ZNF547: variants seen among roughly 807,000 people sequenced by gnomAD.
ZNF547 encodes zinc finger protein 547.
A neutral mutation model predicts 7.7 loss-of-function variants in ZNF547; 4 were observed. That is an observed-to-expected ratio of 0.52 (90% CI 0.26 to 1.20). ZNF547 has a LOEUF of 1.20. ZNF547 is among the 50% of genes most tolerant of loss of function. The probability of loss-of-function intolerance (pLI) is 0.14; values close to 1 mark genes in which losing one functional copy is unlikely to be tolerated. For missense variants in ZNF547, 449 were observed against 485.8 expected, an observed-to-expected ratio of 0.92 and a Z score of 0.71; for synonymous variants, 166 against 166.2, an observed-to-expected ratio of 1.00 and a Z score of 0.01.
intron 1 of ZNF547, chr19:57,364,506 G>A (rs151050474): frequency 0.038 from 14,467 of 381,348 alleles, 403 homozygotes; most frequent in South Asian, 0.075. Context: ...ACTTTGGGAG[G>A]CCAAGGCGAG....
At chr19:57,375,071 C>T (rs111871875) in intron 3 of ZNF547, among the ~76,000 whole-genome samples, 3,428 of 152,280 alleles carry the variant, frequency 0.023, 53 homozygotes, top group Non-Finnish European at 0.037. Context: ...AATACCCTGG[C>T]TGGGCACAGT....
rs769369323 is a variant in ZNF547 at position 57,377,324 on chromosome 19, G to A, written c.348G>A (p.Thr116=). 1.5e-5 allele frequency: 24 copies of A among 1,614,082 alleles called. No individual in the cohort carries two copies. The Admixed American group carries it at 2.8e-4, about 19-fold the overall frequency. The change falls in exon 4 of 4, where the codon ACG becomes ACA. Residue 116 remains threonine, a synonymous_variant. Coordinates refer to ENST00000282282, the MANE Select transcript of ZNF547 (RefSeq NM_173631.4). ...DGTHPEQGLY[T]CPAHLHQHQK... ...CACACCCCGAGCAGGGACTGTACAC[G>A]TGTCCAGCACATCTTCACCAGCACC... is the stretch of plus-strand genomic sequence containing the variant.
chr19:57,368,489 G>C (rs952385769), intron 1 of ZNF547, 55 bp from the exon 2 acceptor site: 1 of 1,563,104 alleles, frequency 6.4e-7, no homozygotes, highest in Admixed American at 1.7e-5. Context: ...GTCCAACTCT[G>C]CCTGTAAGAT....
Position 57,377,125 on chromosome 19 carries a change from C to A in ZNF547, c.152-3C>A. 1 of 1,609,050 alleles carries A rather than the reference C, an allele frequency of 6.2e-7. No individual in the cohort carries two copies. Among genetic ancestry groups the A allele is most frequent in the Non-Finnish European group, 8.5e-7 (1 of 1,176,414 alleles). ...CACCTCACCAGCATTTTTATTCTTA[C>A]AGGTTGTTGCCATGGAGCTGAGGAT... On this transcript the variant is annotated splice_polypyrimidine_tract_variant and splice_region_variant and intron_variant, in intron 3 of 3. Transcript: ENST00000282282.
chr19:57,369,908 T>TTTTTTTTG (rs2088494262), intron 2 of ZNF547, among the ~76,000 whole-genome samples: 1 of 122,450 alleles, frequency 8.2e-6, no homozygotes, highest in Non-Finnish European at 1.7e-5. Flanking sequence ...TCTTTTTTTT[T>TTTTTTTTG]TTTTTTTTTT....
At chr19:57,373,316 T>TC (rs2088517663) in intron 3 of ZNF547, among the ~76,000 whole-genome samples, 1 of 152,090 alleles carries the variant, frequency 6.6e-6, no homozygotes, top group Non-Finnish European at 1.5e-5. Context: ...GGGAAACTGT[T>TC]CCCATGATTC....
chr19:57,376,694 G>T (rs559781182), intron 3 of ZNF547, among the ~76,000 whole-genome samples: 2 of 152,300 alleles, frequency 1.3e-5, no homozygotes, highest in South Asian at 2.1e-4. Context: ...AATCATGGAG[G>T]TTTGGGGAGT....
In ZNF547 at chr19:57,377,675, C is replaced by G; in HGVS notation, c.699C>G (p.Ile233Met). The part of the protein sequence containing the change: ...CKSHLVRHQT[I>M]HSGERPYECS... ...CTCACCTTGTTCGTCACCAGACAAT[C>G]CACTCTGGAGAAAGGCCTTATGAGT... Residue 233 changes from isoleucine to methionine, a missense_variant, in exon 4 of 4, where the codon ATC (isoleucine) becomes ATG (methionine). Coordinates refer to ENST00000282282, the MANE Select transcript of ZNF547 (RefSeq NM_173631.4). 1 of 1,610,862 alleles carries G rather than the reference C, an allele frequency of 6.2e-7. No individual in the cohort carries two copies. The highest frequency in any genetic ancestry group is 8.5e-7 in the Non-Finnish European group (1 of 1,178,270).
chr19:57,364,640 C>A, intron 1 of ZNF547: 1 of 608,052 alleles, frequency 1.6e-6, no homozygotes, highest in Non-Finnish European at 2.9e-6. Flanking sequence ...ATTCGGGAGG[C>A]TGAGGCAGGA....
intron 2 of ZNF547, chr19:57,371,186 AG>A (rs2088502211): frequency 6.6e-6 from 1 of 152,430 alleles, no homozygotes; most frequent in South Asian, 2.1e-4. Flanking sequence ...TCCTGACCTC[AG>A]GTGATCTGCC....
chr19:57,364,245 G>T (rs1413482161), intron 1 of ZNF547: 1 of 155,946 alleles, frequency 6.4e-6, no homozygotes, highest in Admixed American at 6.2e-5. Flanking sequence ...AGGGAGTGAA[G>T]GGTCATTTTT....
rs181391755 is a variant in ZNF547, at chr19:57,378,247, A to C, written c.*62A>C. ...AGTCACCAACATATTGTGGCTGGAC[A>C]GCAGGCAGTACACACTGGAGAAAGA... On this transcript the variant is annotated 3_prime_UTR_variant, in exon 4 of 4. Transcript: ENST00000282282. 8.4e-5 allele frequency: 123 copies of C among 1,457,746 alleles called. No individual in the cohort carries two copies. The East Asian group carries it at 2.7e-3, about 32-fold the overall frequency. 90.3% of individuals were successfully genotyped at this position (1,457,746 alleles called of 1,614,324 possible). A position where few individuals can be genotyped will look rare whatever the true frequency, so the allele number is the denominator to read the frequency against.
In ZNF547 at chr19:57,378,663, C is replaced by A; in HGVS notation, c.*478C>A. On this transcript the variant is annotated 3_prime_UTR_variant, in exon 4 of 4. Coordinates refer to ENST00000282282, the MANE Select transcript of ZNF547 (RefSeq NM_173631.4). Reference sequence around the variant, plus strand: ...ACACCCAGAAATCTGTGATTTAGCACTGAGAACTAGTATTATATGGTTTTT... The same window carrying A: ...ACACCCAGAAATCTGTGATTTAGCAATGAGAACTAGTATTATATGGTTTTT... The A allele has an allele frequency of 2.7e-6, 1 of 366,156 alleles. No homozygotes were observed. The highest frequency in any genetic ancestry group is 2.1e-5 in the South Asian group (1 of 48,268). 22.7% of individuals were successfully genotyped at this position (366,156 alleles called of 1,614,324 possible).
At chr19:57,372,930 C>T (rs1428635259) in intron 3 of ZNF547, among the ~76,000 whole-genome samples, 1 of 152,234 alleles carries the variant, frequency 6.6e-6, no homozygotes, top group African/African-American at 2.4e-5. Context: ...GGAGACCCTC[C>T]TCCTCTCTGC....
rs1040889712 is a variant in ZNF547, at chr19:57,378,316, A to G, written c.*131A>G. 34 of 825,888 alleles carry G rather than the reference A, an allele frequency of 4.1e-5. No individual in the cohort carries two copies. In the African/African-American group the frequency reaches 5.4e-4, roughly 13 times the overall value. The allele number at this position is 825,888 out of a possible 1,614,324, so 51.2% of individuals were successfully genotyped here. On this transcript the variant is annotated 3_prime_UTR_variant, in exon 4 of 4. Coordinates refer to ENST00000282282, the MANE Select transcript of ZNF547 (RefSeq NM_173631.4). Reference sequence around the variant, plus strand: ...GGTAATTATGTAGGTACAGCTCTCCAGTCGCTATGTATCAGAGAATTCACA... The same window carrying G: ...GGTAATTATGTAGGTACAGCTCTCCGGTCGCTATGTATCAGAGAATTCACA...
At position 57,378,182 on chromosome 19, in the gene ZNF547, A is replaced by G. The variant is rs1568527474; in HGVS notation, c.1206A>G (p.Gly402=). 6.2e-7 allele frequency: 1 copy of G among 1,603,844 alleles called. No individual in the cohort carries two copies. The highest frequency in any genetic ancestry group is 1.7e-5 in the Admixed American group (1 of 59,526). Residue 402 remains glycine (G), a synonymous_variant, in exon 4 of 4, where the codon GGA becomes GGG. Coordinates refer to ENST00000282282, the MANE Select transcript of ZNF547 (RefSeq NM_173631.4). ...TCAGACATCAGAAAGTCCACACTGG[A>G]TAAGGCCCTTATGAATGCAGTGGAT... The part of the protein sequence containing the change: ...TLLRHQKVHT[G]
intron 1 of ZNF547, chr19:57,364,920 A>T: frequency 6.2e-7 from 1 of 1,612,916 alleles, no homozygotes; most frequent in Non-Finnish European, 8.5e-7. Context: ...GGAAGGCAGA[A>T]TCCAAAGACG....
At position 57,364,949 on chromosome 19, in the gene ZNF547, A is replaced by C. The variant is rs757978767; in HGVS notation, c.-13+1246A>C. On this transcript the variant is annotated intron_variant, in intron 1 of 3. Coordinates refer to ENST00000282282, the MANE Select transcript of ZNF547 (RefSeq NM_173631.4). ...AAAGACGACCATCGTCATCTGAACC[A>C]GTTCATAGCTCATGCTGCTCTCGAC... 2.6e-5 allele frequency: 42 copies of C among 1,613,168 alleles called. 1 individual carries two copies. In the Middle Eastern group the frequency reaches 5.0e-4, roughly 19 times the overall value.
intron 3 of ZNF547, among the ~76,000 whole-genome samples, chr19:57,375,697 G>A (rs955272272): frequency 1.4e-5 from 2 of 146,394 alleles, no homozygotes; most frequent in African/African-American, 2.5e-5. Flanking sequence ...AGACATACCC[G>A]AGACTGGATA....
Sources: allele counts gnomAD v4.1 joint callset (sites outside exome capture counted in the v4.1 genomes callset), GRCh38; gene constraint gnomAD v4.1.1; transcripts MANE v1.5; gene names NCBI Gene and HGNC (gene_info 2026-07-23, HGNC 2026-07-21).